The following NAV3 variants were observed in gnomAD, a reference collection of about 807,000 sequenced individuals.
The protein encoded by NAV3 is pore membrane and/or filament interacting like protein 1.
Under a neutral mutation model 244.7 loss-of-function variants are expected in NAV3, and 87 were observed. The observed-to-expected ratio is 0.36, with a 90% confidence interval of 0.30 to 0.42. NAV3 has a LOEUF of 0.42. Ranked by LOEUF, NAV3 falls within the 20% of genes least tolerant of loss-of-function variation. The pLI, the probability that NAV3 is intolerant of heterozygous loss-of-function variation, is 1.00. For missense variants in NAV3, 2,663 were observed against 2,893.3 expected (o/e 0.92, Z 1.83); for synonymous variants, 1,126 against 1,042.2 (o/e 1.08, Z -1.55).
At chr12:77,670,471 G>A (rs1873918612) in intron 2 of NAV3, among the ~76,000 whole-genome samples, 1 of 151,774 alleles carries the variant, frequency 6.6e-6, no homozygotes, top group African/African-American at 2.4e-5. Flanking sequence ...CCAAAACTAG[G>A]GAAAGACAGC....
intron 2 of NAV3, among the ~76,000 whole-genome samples, chr12:77,622,959 T>C (rs1232552481): frequency 6.6e-6 from 1 of 152,216 alleles, no homozygotes; most frequent in Non-Finnish European, 1.5e-5. Flanking sequence ...AAGGTGGTTT[T>C]CACAGTGACT....
At chr12:77,920,367 T>C (rs1887588737) in intron 1 of NAV3, among the ~76,000 whole-genome samples, 1 of 151,940 alleles carries the variant, frequency 6.6e-6, no homozygotes, top group East Asian at 1.9e-4. Flanking sequence ...TTTGAAAAAA[T>C]GGATTTTGTT....
chr12:78,066,951 G>A (rs1885084767), intron 12 of NAV3, among the ~76,000 whole-genome samples: 1 of 152,078 alleles, frequency 6.6e-6, no homozygotes, highest in Non-Finnish European at 1.5e-5. Context: ...TTAGCAATGT[G>A]CAGAAAATTA....
chr12:78,002,739 G>A (rs566092159), intron 7 of NAV3, among the ~76,000 whole-genome samples: 155 of 151,938 alleles, frequency 1.0e-3, no homozygotes, highest in African/African-American at 3.6e-3. Context: ...ACTTATATAA[G>A]CCTAAAATAC....
intron 1 of NAV3, among the ~76,000 whole-genome samples, chr12:77,939,204 G>A (rs1889626415): frequency 6.6e-6 from 1 of 151,984 alleles, no homozygotes; most frequent in Non-Finnish European, 1.5e-5. Context: ...TACCTTTTCA[G>A]CCTAATTTTC....
At chr12:78,104,115 A>G (rs1259730307) in intron 12 of NAV3, among the ~76,000 whole-genome samples, 1 of 152,208 alleles carries the variant, frequency 6.6e-6, no homozygotes, top group Non-Finnish European at 1.5e-5. Context: ...GATTAATGGA[A>G]AATTTGAATA....
chr12:77,768,472 C>T (rs1869899442), intron 2 of NAV3, among the ~76,000 whole-genome samples: 1 of 152,250 alleles, frequency 6.6e-6, no homozygotes, highest in Admixed American at 6.5e-5. Context: ...TGCTTAGCAT[C>T]ACCCAAAGAC....
intron 1 of NAV3, among the ~76,000 whole-genome samples, chr12:77,898,664 G>T (rs1331736550): frequency 2.0e-5 from 3 of 152,232 alleles, no homozygotes; most frequent in Admixed American, 6.5e-5. Context: ...CTGTCAAAAT[G>T]GTTGTCCGTT....
At chr12:77,797,008 CTA>C (rs916450854) in intron 2 of NAV3, among the ~76,000 whole-genome samples, 1 of 152,016 alleles carries the variant, frequency 6.6e-6, no homozygotes, top group Non-Finnish European at 1.5e-5. Context: ...TGAGGTATGC[CTA>C]TATCTGGATT....
chr12:77,861,477 T>C (rs147597746), intron 1 of NAV3, among the ~76,000 whole-genome samples: 1 of 152,040 alleles, frequency 6.6e-6, no homozygotes. Flanking sequence ...AAGAGCAAAT[T>C]ATTTAAGCAA....
At chr12:78,016,573 G>T (rs566875866) in intron 8 of NAV3, among the ~76,000 whole-genome samples, 15 of 152,270 alleles carry the variant, frequency 9.9e-5, no homozygotes, top group African/African-American at 3.4e-4. Context: ...TGCCTTTCCA[G>T]AATGAAGAAA....
intron 2 of NAV3, among the ~76,000 whole-genome samples, chr12:77,611,907 G>T (rs1045997147): frequency 3.9e-5 from 6 of 151,930 alleles, no homozygotes; most frequent in Non-Finnish European, 5.9e-5. Flanking sequence ...TTTATTCAAA[G>T]ATGTTTGCTA....
intron 12 of NAV3, among the ~76,000 whole-genome samples, chr12:78,064,657 C>T (rs925401909): frequency 6.6e-6 from 1 of 152,036 alleles, no homozygotes; most frequent in East Asian, 1.9e-4. Flanking sequence ...TAATTCAATT[C>T]ATAACCCTGT....
intron 12 of NAV3, among the ~76,000 whole-genome samples, chr12:78,113,142 G>A (rs904158066): frequency 6.6e-6 from 1 of 152,220 alleles, no homozygotes; most frequent in Non-Finnish European, 1.5e-5. Flanking sequence ...CTCTGCCTCT[G>A]TGGCTTTGCA....
At chr12:77,738,929 G>A (rs796427039) in intron 2 of NAV3, among the ~76,000 whole-genome samples, 4 of 143,544 alleles carry the variant, frequency 2.8e-5, no homozygotes, top group African/African-American at 1.0e-4. Flanking sequence ...GGAGAATGGC[G>A]TGAACCTGGG....
chr12:77,924,777 ATTTG>A (rs1888032703), intron 1 of NAV3, among the ~76,000 whole-genome samples: 1 of 152,148 alleles, frequency 6.6e-6, no homozygotes, highest in Non-Finnish European at 1.5e-5. Flanking sequence ...ATTACTACAC[ATTTG>A]TTTGGGGAGA....
chr12:77,615,476 T>C (rs1205109407), intron 2 of NAV3, among the ~76,000 whole-genome samples: 1 of 152,144 alleles, frequency 6.6e-6, no homozygotes, highest in Admixed American at 6.6e-5. Flanking sequence ...AGCATTTGTT[T>C]TTCTGTTCCT....
rs1955713754 is a variant in NAV3 at position 78,122,408 on chromosome 12, G to A, written c.4218G>A (p.Val1406=). The change falls in exon 16 of 40, where the codon GTG becomes GTA. Residue 1406 remains valine, a synonymous_variant. Coordinates refer to ENST00000397909, the MANE Select transcript of NAV3 (RefSeq NM_001024383.2). ...GCCTGCTCATGAGAACGGGTAGTGT[G>A]AGATCTACTCTCTCAGAAAGGTGAG... ...VQSLLMRTGS[V]RSTLSESMQL... 1 of 1,606,418 alleles carries A rather than the reference G, an allele frequency of 6.2e-7. No homozygotes were observed. Among genetic ancestry groups the A allele is most frequent in the African/African-American group, 1.3e-5 (1 of 74,930 alleles).
intron 19 of NAV3, among the ~76,000 whole-genome samples, chr12:78,139,962 G>T (rs1056635901): frequency 2.0e-5 from 3 of 152,034 alleles, no homozygotes; most frequent in African/African-American, 7.2e-5. Context: ...CTTTAGTTTG[G>T]GTTTCCATGC....
Sources: allele counts gnomAD v4.1 joint callset (sites outside exome capture counted in the v4.1 genomes callset), GRCh38; gene constraint gnomAD v4.1.1; transcripts MANE v1.5; gene names NCBI Gene and HGNC (gene_info 2026-07-23, HGNC 2026-07-21).